The following BPHL variants were observed in gnomAD, a reference collection of about 807,000 sequenced individuals.
BPHL encodes the protein serine hydrolase BPHL.
A neutral mutation model predicts 31.2 loss-of-function variants in BPHL; 27 were observed. The observed-to-expected ratio is 0.87, with a 90% confidence interval of 0.64 to 1.19. The LOEUF is 1.19. Ranked by LOEUF, BPHL falls within the 50% of genes most tolerant of loss-of-function variation. The pLI is 0.00. For missense variants in BPHL, 356 were observed against 375.7 expected (o/e 0.95, Z 0.43); for synonymous variants, 150 against 146.8 (o/e 1.02, Z -0.16).
chr6:3,137,035 G>C (rs17136221), intron 4 of BPHL, among the ~76,000 whole-genome samples: 10,545 of 152,214 alleles, frequency 0.069, 1,014 homozygotes, highest in African/African-American at 0.21. Flanking sequence ...GGTAAGTGCA[G>C]CTCTAATTTC....
chr6:3,140,215 C>A lies in BPHL; in HGVS notation c.665-171C>A. ...ACAGAGAGAAACAGAAAAGGGAACCCAAAGAATGTTAGAGCTGGAAGGAAT... is the reference window on the plus strand; with the variant it reads ...ACAGAGAGAAACAGAAAAGGGAACCAAAAGAATGTTAGAGCTGGAAGGAAT... On this transcript the variant is annotated intron_variant, in intron 5 of 6. Coordinates refer to ENST00000380379, the MANE Select transcript of BPHL (RefSeq NM_004332.4). This position sits in a 1 kb window ranked among gnomAD's most constrained non-coding sequence, Gnocchi z 5.2. 3 of 764,180 alleles carry A rather than the reference C, an allele frequency of 3.9e-6. No individual in the cohort carries two copies. The highest frequency in any genetic ancestry group is 1.8e-5 in the African/African-American group (1 of 56,160). 47.3% of individuals were successfully genotyped at this position (764,180 alleles called of 1,614,324 possible).
intron 4 of BPHL, among the ~76,000 whole-genome samples, chr6:3,133,051 T>C (rs1761914214): frequency 6.6e-6 from 1 of 152,228 alleles, no homozygotes; most frequent in South Asian, 2.1e-4. Context: ...TCTTTCTCCC[T>C]GAAAATAATA....
rs1225079132 is a variant in BPHL, at chr6:3,127,146, T to G, written c.212-96T>G. On this transcript the variant is annotated intron_variant, in intron 2 of 6. Coordinates refer to ENST00000380379, the MANE Select transcript of BPHL (RefSeq NM_004332.4). Reference sequence around the variant, plus strand: ...CATTCTGACCACTTTGAGTAGAAACTACTTTGCTTTTAAGATTGTTATTGC... The same window carrying G: ...CATTCTGACCACTTTGAGTAGAAACGACTTTGCTTTTAAGATTGTTATTGC... The G allele has an allele frequency of 5.9e-6, 5 of 842,310 alleles. No homozygotes were observed. The Admixed American group carries it at 1.3e-4, about 23-fold the overall frequency. The allele number at this position is 842,310 out of a possible 1,614,324, so 52.2% of individuals were successfully genotyped here.
intron 4 of BPHL, among the ~76,000 whole-genome samples, chr6:3,136,478 G>A (rs540739037): frequency 2.0e-5 from 3 of 152,258 alleles, no homozygotes; most frequent in East Asian, 3.9e-4. Context: ...TGGGGGATCC[G>A]CCCTCCTCAG....
At position 3,120,030 on chromosome 6, in the gene BPHL, C is replaced by T. The variant is rs183649475; in HGVS notation, c.107+1183C>T. On this transcript the variant is annotated intron_variant, in intron 1 of 6. Transcript: ENST00000380379. ...ATCGAAATAAGTTACTGTGATTGTA[C>T]CAATATAGTTCTTTTTTTTTTTGAG... is the stretch of plus-strand genomic sequence containing the variant. Among the ~76,000 whole-genome samples, 52 of 151,012 alleles carry T rather than the reference C, an allele frequency of 3.4e-4. No individual in the cohort carries two copies. The Middle Eastern group carries it at 0.014, about 40-fold the overall frequency.
At chr6:3,146,215 G>C (rs570655000) in intron 6 of BPHL, among the ~76,000 whole-genome samples, 2 of 52,410 alleles carry the variant, frequency 3.8e-5, no homozygotes, top group Non-Finnish European at 4.0e-5. Flanking sequence ...GTGCTGGTGT[G>C]GGTTGGAGTG....
chr6:3,146,708 G>A (rs139645221), intron 6 of BPHL, among the ~76,000 whole-genome samples: 4,438 of 144,146 alleles, frequency 0.031, 322 homozygotes, highest in African/African-American at 0.11. Flanking sequence ...GATTTGGGTC[G>A]GAGTGCTGGT....
intron 4 of BPHL, 22 bp downstream of exon 4, chr6:3,129,220 T>G (rs369951996): frequency 6.9e-5 from 105 of 1,531,358 alleles, no homozygotes; most frequent in Non-Finnish European, 8.1e-5. Flanking sequence ...GAAGGGGAGA[T>G]GCCGGGACGG....
intron 6 of BPHL, among the ~76,000 whole-genome samples, chr6:3,142,268 G>A (rs7776060): frequency 0.065 from 9,829 of 151,718 alleles, 989 homozygotes; most frequent in African/African-American, 0.21. Flanking sequence ...ACAGGCACCC[G>A]CCACCACGCC....
chr6:3,118,610 G>A, upstream of BPHL: 3 of 604,420 alleles, frequency 5.0e-6, no homozygotes, highest in Non-Finnish European at 7.2e-6. Context: ...GGGGCGGGGC[G>A]GGCAGAGGGC....
intron 1 of BPHL, chr6:3,119,643 CA>C: frequency 5.5e-6 from 7 of 1,265,854 alleles, no homozygotes; most frequent in Non-Finnish European, 6.7e-6. Flanking sequence ...TTATTCTCTA[CA>C]TACATCCCTA....
chr6:3,150,708 T>G (rs1762498699), intron 6 of BPHL, among the ~76,000 whole-genome samples: 1 of 152,234 alleles, frequency 6.6e-6, no homozygotes. Flanking sequence ...CAGCTAATAT[T>G]CATGCCCATC....
intron 6 of BPHL, among the ~76,000 whole-genome samples, chr6:3,143,943 T>G (rs993143327): frequency 6.6e-6 from 1 of 152,246 alleles, no homozygotes; most frequent in African/African-American, 2.4e-5. Context: ...TTTGCCTGCC[T>G]GGGTGTGTGC....
intron 5 of BPHL, 95 bp downstream of exon 5, chr6:3,137,588 G>T: frequency 6.6e-7 from 1 of 1,526,696 alleles, no homozygotes; most frequent in Non-Finnish European, 9.0e-7. Context: ...TCATGAATCT[G>T]CCCATCGCCC....
At chr6:3,143,421 T>C (rs1196690004) in intron 6 of BPHL, among the ~76,000 whole-genome samples, 2 of 152,174 alleles carry the variant, frequency 1.3e-5, no homozygotes, top group Non-Finnish European at 2.9e-5. Context: ...TCTCTCTTTG[T>C]GGTAGAAGAA....
upstream of BPHL, chr6:3,118,677 TG>T: frequency 1.7e-6 from 2 of 1,158,580 alleles, no homozygotes; most frequent in Non-Finnish European, 2.2e-6. Context: ...CGGGGCAGAG[TG>T]GGCCGGGTAC....
At chr6:3,136,381 C>T (rs975972859) in intron 4 of BPHL, among the ~76,000 whole-genome samples, 1 of 152,200 alleles carries the variant, frequency 6.6e-6, no homozygotes, top group East Asian at 1.9e-4. Flanking sequence ...CCTCTTCAGC[C>T]TTTATCTTCA....
chr6:3,141,819 CA>C (rs1365790556), intron 6 of BPHL, among the ~76,000 whole-genome samples: 3 of 151,786 alleles, frequency 2.0e-5, no homozygotes, highest in Non-Finnish European at 4.4e-5. Flanking sequence ...ACTAAAAATA[CA>C]AAAATTAGCC....
chr6:3,121,390 C>A lies in BPHL; in HGVS notation c.108-2267C>A, dbSNP rs573762051. 3.9e-4 allele frequency among the ~76,000 whole-genome samples: 58 copies of A among 146,982 alleles called. No homozygotes were observed. In the East Asian group the frequency reaches 9.9e-3, roughly 25 times the overall value. ...TCTCGGCTCACTGTAATCTTCACCT[C>A]CCAGGTTCCAGCGATTCCCCTGCCT... On this transcript the variant is annotated intron_variant, in intron 1 of 6. Coordinates refer to ENST00000380379, the MANE Select transcript of BPHL (RefSeq NM_004332.4).
Sources: gnomAD v4.1 joint callset for allele counts (sites outside exome capture counted in the v4.1 genomes callset) on GRCh38, gnomAD v4.1.1 for gene constraint, Gnocchi (gnomAD v3.1) non-coding constraint, MANE v1.5 for transcripts, NCBI Gene and HGNC (gene_info 2026-07-23, HGNC 2026-07-21) for gene names.